Variants in UBASH3B observed in about 807,000 individuals in gnomAD.
The protein encoded by UBASH3B is ubiquitin-associated and SH3 domain-containing protein B.
Under a neutral mutation model 83.4 loss-of-function variants are expected in UBASH3B, and 37 were observed. The observed-to-expected ratio is 0.44, with a 90% CI of 0.34 to 0.58. UBASH3B has a LOEUF of 0.58. Ranked by LOEUF, UBASH3B falls within the 20% of genes least tolerant of loss-of-function variation. The pLI, the probability that UBASH3B is intolerant of heterozygous loss-of-function variation, is 0.01. For missense variants in UBASH3B, 657 were observed against 827.2 expected, an observed-to-expected ratio of 0.79 and a Z score of 2.52; for synonymous variants, 304 against 318.3, an observed-to-expected ratio of 0.96 and a Z score of 0.48.
intron 1 of UBASH3B, among the ~76,000 whole-genome samples, chr11:122,686,102 G>T (rs1004346104): frequency 1.3e-5 from 2 of 152,152 alleles, no homozygotes; most frequent in African/African-American, 4.8e-5. Context: ...AAAAGAGCAG[G>T]TTTCTTCCCG....
chr11:122,747,705 A>G (rs1861141014), intron 1 of UBASH3B, among the ~76,000 whole-genome samples: 1 of 152,230 alleles, frequency 6.6e-6, no homozygotes, highest in South Asian at 2.1e-4. Context: ...AGCTTTCTTT[A>G]TAGAGACGCA....
intron 1 of UBASH3B, among the ~76,000 whole-genome samples, chr11:122,751,250 C>T (rs546887837): frequency 1.3e-5 from 2 of 152,166 alleles, no homozygotes; most frequent in Non-Finnish European, 2.9e-5. Flanking sequence ...ATGAGATAAT[C>T]GGGTCCCTAA....
At chr11:122,748,043 G>A (rs778589355) in intron 1 of UBASH3B, among the ~76,000 whole-genome samples, 28 of 152,196 alleles carry the variant, frequency 1.8e-4, no homozygotes, top group Admixed American at 6.5e-5. Context: ...TGGGACAAAA[G>A]TCTGCACACT....
chr11:122,677,553 C>G (rs1182078577), intron 1 of UBASH3B, among the ~76,000 whole-genome samples: 1 of 152,198 alleles, frequency 6.6e-6, no homozygotes, highest in Non-Finnish European at 1.5e-5. Context: ...CCAGACTAGA[C>G]TGTGACTCCT....
chr11:122,777,434 G>A (rs1732724090), intron 3 of UBASH3B, among the ~76,000 whole-genome samples: 1 of 152,202 alleles, frequency 6.6e-6, no homozygotes, highest in African/African-American at 2.4e-5. Context: ...CAGGATGGGG[G>A]CAGCACCAGA....
At chr11:122,667,220 T>C (rs1314158330) in intron 1 of UBASH3B, among the ~76,000 whole-genome samples, 2 of 151,904 alleles carry the variant, frequency 1.3e-5, no homozygotes, top group Non-Finnish European at 2.9e-5. Context: ...CTAATTTTTG[T>C]ATTTGTAGTA....
chr11:122,693,627 C>G (rs1372186001), intron 1 of UBASH3B, among the ~76,000 whole-genome samples: 1 of 151,792 alleles, frequency 6.6e-6, no homozygotes, highest in Non-Finnish European at 1.5e-5. Flanking sequence ...AATCCTGGCA[C>G]TTTGGGAGGC....
At chr11:122,662,355 C>T (rs1242622687) in intron 1 of UBASH3B, among the ~76,000 whole-genome samples, 10 of 152,086 alleles carry the variant, frequency 6.6e-5, no homozygotes, top group Non-Finnish European at 1.0e-4. Context: ...CTAAAAGTTT[C>T]GTTTGTACCC....
chr11:122,743,204 G>A (rs908609168), intron 1 of UBASH3B, among the ~76,000 whole-genome samples: 1 of 152,074 alleles, frequency 6.6e-6, no homozygotes, highest in Admixed American at 6.5e-5. Context: ...CCTGGAACAA[G>A]TGACTTAATC....
chr11:122,787,958 T>C (rs950857447), intron 5 of UBASH3B, among the ~76,000 whole-genome samples: 2 of 152,196 alleles, frequency 1.3e-5, no homozygotes, highest in Non-Finnish European at 2.9e-5. Flanking sequence ...TTCCTTACTA[T>C]TGAGGTCTCC....
At chr11:122,776,472 A>G (rs1267724803) in intron 2 of UBASH3B, among the ~76,000 whole-genome samples, 200 bp downstream of exon 2, 1 of 152,208 alleles carries the variant, frequency 6.6e-6, no homozygotes, top group Non-Finnish European at 1.5e-5. Flanking sequence ...AGCTGTTTAA[A>G]GAAAATTCTA....
chr11:122,789,306 T>C lies in UBASH3B; in HGVS notation c.978T>C (p.His326=). 1.2e-6 allele frequency: 2 copies of C among 1,614,166 alleles called. No individual in the cohort carries two copies. Among genetic ancestry groups the C allele is most frequent in the East Asian group, 4.5e-5 (2 of 44,888 alleles). Reference sequence around the variant, plus strand: ...ATGAATGCAGCACCTGGATATTTCATGGGTAAGCAGACACAAAGACCTTTA... The same window carrying C: ...ATGAATGCAGCACCTGGATATTTCACGGGTAAGCAGACACAAAGACCTTTA... ...KADECSTWIF[H]GSYSILNTSS... The change falls in exon 6 of 14, where the codon CAT becomes CAC. Residue 326 remains histidine (H), a splice_region_variant and synonymous_variant. Coordinates refer to ENST00000284273, the MANE Select transcript of UBASH3B (RefSeq NM_032873.5).
chr11:122,778,229 A>G (rs1860776694), intron 3 of UBASH3B, among the ~76,000 whole-genome samples: 1 of 152,076 alleles, frequency 6.6e-6, no homozygotes, highest in African/African-American at 2.4e-5. Context: ...TCTCTCTCTC[A>G]GGTAATAATA....
chr11:122,729,521 T>A (rs926446468), intron 1 of UBASH3B, among the ~76,000 whole-genome samples: 1 of 152,134 alleles, frequency 6.6e-6, no homozygotes, highest in African/African-American at 2.4e-5. Context: ...ATGTTAGATA[T>A]GATAAAGGCA....
intron 1 of UBASH3B, among the ~76,000 whole-genome samples, chr11:122,747,409 G>A (rs1861135657): frequency 6.6e-6 from 1 of 152,178 alleles, no homozygotes; most frequent in Admixed American, 6.5e-5. Context: ...CACTGTGCAT[G>A]TAAGGCACCC....
chr11:122,684,036 G>T (rs988485241), intron 1 of UBASH3B, among the ~76,000 whole-genome samples: 2 of 152,036 alleles, frequency 1.3e-5, no homozygotes, highest in African/African-American at 2.4e-5. Context: ...ATCTCATTTG[G>T]ATCAAAAGCT....
At chr11:122,677,906 G>A (rs1248576367) in intron 1 of UBASH3B, among the ~76,000 whole-genome samples, 1 of 152,136 alleles carries the variant, frequency 6.6e-6, no homozygotes, top group African/African-American at 2.4e-5. Context: ...TGAGTAGCTG[G>A]GATTACAGGT....
chr11:122,688,971 G>A (rs946595302), intron 1 of UBASH3B, among the ~76,000 whole-genome samples: 29 of 31,758 alleles, frequency 9.1e-4, no homozygotes, highest in Middle Eastern at 0.018. Context: ...TAGAGACGGC[G>A]GGGAGGCGGG....
At position 122,813,136 on chromosome 11, in the gene UBASH3B, T is replaced by C. The variant is rs982174342; in HGVS notation, c.*3250T>C. The stretch of plus-strand genomic sequence containing the variant: ...ATAAAAAATATGCCTTCTGGAGTGA[T>C]GTCTGTTTGGTAAATCATTGTTGAT... On this transcript the variant is annotated 3_prime_UTR_variant, in exon 14 of 14. Coordinates refer to ENST00000284273, the MANE Select transcript of UBASH3B (RefSeq NM_032873.5). 6.6e-6 allele frequency: 1 copy of C among 152,394 alleles called. No individual in the cohort carries two copies. The highest frequency in any genetic ancestry group is 1.5e-5 in the Non-Finnish European group (1 of 68,028). 9.4% of individuals were successfully genotyped at this position (152,394 alleles called of 1,614,324 possible).
Sources: gnomAD v4.1 joint callset for allele counts (sites outside exome capture counted in the v4.1 genomes callset) on GRCh38, gnomAD v4.1.1 for gene constraint, MANE v1.5 for transcripts, NCBI Gene and HGNC (gene_info 2026-07-23, HGNC 2026-07-21) for gene names.